The following KIF1A variants were observed in gnomAD, a reference collection of about 807,000 sequenced individuals.
KIF1A encodes the protein kinesin family member 1A.
A neutral mutation model predicts 227.3 loss-of-function variants in KIF1A; 46 were observed. That is an observed-to-expected ratio of 0.20 (90% CI 0.16 to 0.26). The LOEUF (loss-of-function observed/expected upper bound fraction) is 0.26, where lower values mean the gene tolerates loss of function less well. KIF1A is among the 10% of genes least tolerant of loss of function. KIF1A has a pLI of 1.00. For missense variants in KIF1A, 1,683 were observed against 2,485.9 expected (o/e 0.68, Z 6.87); for synonymous variants, 1,022 against 1,012.8 (o/e 1.01, Z -0.17).
intron 38 of KIF1A, among the ~76,000 whole-genome samples, chr2:240,735,832 C>G (rs371304856): frequency 9.9e-5 from 15 of 152,136 alleles, no homozygotes; most frequent in Admixed American, 2.0e-4. Flanking sequence ...CGTGCTCCCC[C>G]CTCATGGCAC....
At chr2:240,750,907 C>T (rs1015163510) in intron 27 of KIF1A, among the ~76,000 whole-genome samples, 8 of 152,160 alleles carry the variant, frequency 5.3e-5, no homozygotes, top group Non-Finnish European at 7.4e-5. Context: ...CACTGCACTG[C>T]CCCCCTTTTC....
At chr2:240,737,209 G>T in intron 37 of KIF1A, 41 bp from the exon 38 acceptor site, 1 of 1,534,422 alleles carries the variant, frequency 6.5e-7, no homozygotes, top group Non-Finnish European at 9.0e-7. Context: ...TTCCCAGGGG[G>T]CAGGTGGGAC....
chr2:240,794,726 C>T (rs567593384), intron 2 of KIF1A, among the ~76,000 whole-genome samples: 12 of 152,312 alleles, frequency 7.9e-5, no homozygotes, highest in African/African-American at 2.6e-4. Context: ...CGGCCTCACA[C>T]GTCTCATATC....
intron 43 of KIF1A, among the ~76,000 whole-genome samples, 166 bp from the exon 44 acceptor site, chr2:240,722,050 T>C (rs1046666605): frequency 3.3e-5 from 5 of 152,072 alleles, no homozygotes; most frequent in Non-Finnish European, 7.4e-5. Flanking sequence ...GGTCATCGGG[T>C]GAGCCCAGGA....
rs2051095202 is a variant in KIF1A, at chr2:240,765,783, G to A, written c.1695C>T (p.Thr565=). Residue 565 remains threonine, a synonymous_variant, in exon 20 of 49, where the codon ACC becomes ACT. Transcript: ENST00000498729. ...DSRGGSEAVV[T]LEPCEGADTY... Reference sequence around the variant, plus strand: ...TGTCTGCCCCCTCACAGGGCTCCAAGGTCACCACAGCTACAGGAAAGGTGG... The same window carrying A: ...TGTCTGCCCCCTCACAGGGCTCCAAAGTCACCACAGCTACAGGAAAGGTGG... 1.2e-6 allele frequency: 2 copies of A among 1,613,268 alleles called. No individual in the cohort carries two copies. The highest frequency in any genetic ancestry group is 1.1e-5 in the South Asian group (1 of 91,070).
Position 240,744,058 on chromosome 2 carries a change from G to T in KIF1A, c.3468C>A (p.Ile1156=). 6.2e-7 allele frequency: 1 copy of T among 1,604,396 alleles called. No individual in the cohort carries two copies. Among genetic ancestry groups the T allele is most frequent in the Non-Finnish European group, 8.5e-7 (1 of 1,171,280 alleles). Residue 1156 remains isoleucine, a splice_region_variant and synonymous_variant, in exon 33 of 49, where the codon ATC becomes ATA. Transcript: ENST00000498729. ...TGAAGGACTTGGTCACCTCCACTGC[G>T]ATCTGGTGGGCAGGCAGGTGGGAGG... ...PPLGFYHVQN[I]AVEVTKSFIE... is the part of the protein sequence containing the mutation.
intron 1 of KIF1A, among the ~76,000 whole-genome samples, chr2:240,811,765 G>A (rs951214349): frequency 1.3e-5 from 2 of 152,120 alleles, no homozygotes; most frequent in Non-Finnish European, 2.9e-5. Flanking sequence ...AGAGGGGTTG[G>A]GATGACTGCT....
intron 38 of KIF1A, among the ~76,000 whole-genome samples, chr2:240,733,986 G>A (rs928387708): frequency 5.3e-5 from 8 of 152,222 alleles, no homozygotes; most frequent in Non-Finnish European, 1.2e-4. Flanking sequence ...AGGCTGGCAC[G>A]GGCAGGGGCC....
chr2:240,773,596 TGTGA>T (rs2052308574), intron 12 of KIF1A, among the ~76,000 whole-genome samples: 1 of 152,066 alleles, frequency 6.6e-6, no homozygotes, highest in Admixed American at 6.5e-5. Flanking sequence ...AGTGGGAAAA[TGTGA>T]GCACATCTAT....
intron 1 of KIF1A, among the ~76,000 whole-genome samples, chr2:240,798,786 G>A (rs987705891): frequency 2.0e-5 from 3 of 152,154 alleles, no homozygotes; most frequent in East Asian, 1.9e-4. Context: ...GGACAGCCTC[G>A]GGACAGAGCT....
intron 1 of KIF1A, among the ~76,000 whole-genome samples, chr2:240,811,005 T>A (rs2057821060): frequency 6.6e-6 from 1 of 152,162 alleles, no homozygotes; most frequent in Non-Finnish European, 1.5e-5. Context: ...CATGTGGCCG[T>A]TGGTTGTAAT....
chr2:240,735,861 C>T (rs1209881983), intron 38 of KIF1A, among the ~76,000 whole-genome samples: 1 of 152,096 alleles, frequency 6.6e-6, no homozygotes, highest in African/African-American at 2.4e-5. Context: ...CATAGAACAC[C>T]CCCCGGATTC....
intron 17 of KIF1A, 96 bp downstream of exon 17, chr2:240,769,037 C>G: frequency 9.1e-7 from 1 of 1,101,288 alleles, no homozygotes; most frequent in South Asian, 1.3e-5. Flanking sequence ...CCGTGCTCCC[C>G]TACTTCCAGG....
Position 240,788,642 on chromosome 2 carries a change from G to T in KIF1A, c.184-412C>A, listed in dbSNP as rs1343572768. ...CCTGGACACTGTCCTGAGGACAGTG[G>T]GGCACTTTAGGCAGGGGGACAGGGT... is the stretch of plus-strand genomic sequence containing the variant. On this transcript the variant is annotated intron_variant, in intron 3 of 48. Coordinates refer to ENST00000498729, the MANE Select transcript of KIF1A (RefSeq NM_001244008.2). The surrounding 1 kb of genome is among the most constrained non-coding windows in gnomAD (Gnocchi z 6.6). Among the ~76,000 whole-genome samples the T allele has an allele frequency of 1.3e-5, 2 of 152,108 alleles. No homozygotes were observed. Among genetic ancestry groups the T allele is most frequent in the African/African-American group, 4.8e-5 (2 of 41,404 alleles).
Position 240,725,611 on chromosome 2 carries a change from C to T in KIF1A, c.4123-207G>A. ...CCACTGGGGACAGGTAGCCACAGCT[C>T]TGTCCACCCCTGGGCTGCCTGAGGG... On this transcript the variant is annotated intron_variant, in intron 39 of 48. Transcript: ENST00000498729. The surrounding 1 kb of genome is among the most constrained non-coding windows in gnomAD (Gnocchi z 5.8). 1.7e-6 allele frequency: 1 copy of T among 575,390 alleles called. No homozygotes were observed. Among genetic ancestry groups the T allele is most frequent in the East Asian group, 3.0e-5 (1 of 33,088 alleles). The allele number at this position is 575,390 out of a possible 1,614,324, so 35.6% of individuals were successfully genotyped here. A position where few individuals can be genotyped will look rare whatever the true frequency, so the allele number is the denominator to read the frequency against.
intron 1 of KIF1A, chr2:240,798,018 C>T (rs1436858738): frequency 5.5e-5 from 21 of 380,950 alleles, no homozygotes; most frequent in Admixed American, 3.4e-4. Context: ...AACCCAGCTT[C>T]GCAAGCCTGA....
intron 1 of KIF1A, among the ~76,000 whole-genome samples, chr2:240,800,235 G>C (rs1488394474): frequency 6.6e-6 from 1 of 152,032 alleles, no homozygotes; most frequent in African/African-American, 2.4e-5. Flanking sequence ...AGCTATTCTA[G>C]AACTTGATCT....
intron 38 of KIF1A, among the ~76,000 whole-genome samples, chr2:240,730,869 A>C (rs1024545667): frequency 2.6e-5 from 4 of 152,238 alleles, no homozygotes; most frequent in Non-Finnish European, 5.9e-5. Context: ...CAACTGGAGG[A>C]GGCTGGGCCA....
chr2:240,717,284 C>G lies in KIF1A; in HGVS notation c.*80G>C. The G allele has an allele frequency of 7.2e-7, 1 of 1,380,194 alleles. No homozygotes were observed. Among genetic ancestry groups the G allele is most frequent in the Non-Finnish European group, 1.0e-6 (1 of 980,896 alleles). 85.5% of individuals were successfully genotyped at this position (1,380,194 alleles called of 1,614,324 possible). A position where few individuals can be genotyped will look rare whatever the true frequency, so the allele number is the denominator to read the frequency against. ...CGTGGGCTGTCTGGCAGGAGAGGGG[C>G]TGGGCGGCAGGTGACAGGACAGACG... On this transcript the variant is annotated 3_prime_UTR_variant, in exon 49 of 49. Coordinates refer to ENST00000498729, the MANE Select transcript of KIF1A (RefSeq NM_001244008.2).
Sources: allele counts gnomAD v4.1 joint callset (sites outside exome capture counted in the v4.1 genomes callset), GRCh38; gene constraint gnomAD v4.1.1; non-coding constraint Gnocchi (gnomAD v3.1); transcripts MANE v1.5; gene names NCBI Gene and HGNC (gene_info 2026-07-23, HGNC 2026-07-21).